The following CSMD3 variants were observed in gnomAD, a reference collection of about 807,000 sequenced individuals.
CSMD3 encodes the protein CUB and sushi domain-containing protein 3.
In CSMD3, 177 loss-of-function variants were observed where a neutral mutation model predicts 435.2. That is an observed-to-expected ratio of 0.41 (90% CI 0.36 to 0.46). The LOEUF is 0.46. Among genes scored for constraint, CSMD3 ranks in the 20% least tolerant of loss-of-function variants. The probability of loss-of-function intolerance (pLI) is 0.34; values close to 1 mark genes in which losing one functional copy is unlikely to be tolerated. For missense variants in CSMD3, 4,265 were observed against 4,504.6 expected (o/e 0.95, Z 1.52); for synonymous variants, 1,656 against 1,520.5 (o/e 1.09, Z -2.07).
chr8:112,850,285 C>T (rs2080446712), intron 11 of CSMD3, among the ~76,000 whole-genome samples: 1 of 152,036 alleles, frequency 6.6e-6, no homozygotes, highest in Admixed American at 6.6e-5. Context: ...ATAATTGGCT[C>T]TTTGAAAAAC....
At chr8:112,744,774 C>A (rs1482637314) in intron 13 of CSMD3, among the ~76,000 whole-genome samples, 1 of 152,054 alleles carries the variant, frequency 6.6e-6, no homozygotes, top group African/African-American at 2.4e-5. Context: ...AATGAGACAG[C>A]TTTCCAAGTG....
At chr8:113,002,282 C>T (rs1420548763) in intron 6 of CSMD3, among the ~76,000 whole-genome samples, 1 of 152,000 alleles carries the variant, frequency 6.6e-6, no homozygotes, top group African/African-American at 2.4e-5. Flanking sequence ...AAAGTATGCA[C>T]TCATAATAAG....
intron 13 of CSMD3, among the ~76,000 whole-genome samples, chr8:112,696,629 A>C (rs1026124747): frequency 1.1e-4 from 16 of 152,244 alleles, no homozygotes; most frequent in African/African-American, 3.9e-4. Flanking sequence ...ACCCAAGAAG[A>C]AAACCTAGGC....
At chr8:113,328,864 C>T (rs1287962743) in intron 1 of CSMD3, among the ~76,000 whole-genome samples, 1 of 149,526 alleles carries the variant, frequency 6.7e-6, no homozygotes, top group Non-Finnish European at 1.5e-5. Flanking sequence ...TTTCAGCCTC[C>T]CAAGTACCAG....
intron 38 of CSMD3, among the ~76,000 whole-genome samples, chr8:112,374,327 T>C (rs560079786): frequency 3.9e-5 from 6 of 152,292 alleles, no homozygotes; most frequent in African/African-American, 1.4e-4. Flanking sequence ...ATTACCTCTC[T>C]TTTTCCATAT....
chr8:112,354,813 A>T (rs1193602847), intron 38 of CSMD3, among the ~76,000 whole-genome samples: 1 of 152,186 alleles, frequency 6.6e-6, no homozygotes, highest in East Asian at 1.9e-4. Flanking sequence ...CCATCAAACT[A>T]CCAACGTCAT....
intron 53 of CSMD3, among the ~76,000 whole-genome samples, chr8:112,300,274 A>G (rs1210573464): frequency 1.7e-5 from 2 of 120,010 alleles, no homozygotes; most frequent in Non-Finnish European, 3.1e-5. Context: ...ATGTATAAAT[A>G]TATATTTCTA....
intron 10 of CSMD3, among the ~76,000 whole-genome samples, chr8:112,887,063 T>C (rs1006642885): frequency 1.3e-5 from 2 of 151,604 alleles, no homozygotes; most frequent in African/African-American, 4.8e-5. Context: ...AATCTCTCTG[T>C]ACCTCAGTCT....
intron 4 of CSMD3, among the ~76,000 whole-genome samples, chr8:113,130,831 C>A (rs997476970): frequency 1.3e-5 from 2 of 152,044 alleles, no homozygotes; most frequent in African/African-American, 4.8e-5. Flanking sequence ...ATATGGACAA[C>A]GAAGTCCAGG....
At chr8:112,492,744 C>T (rs2130855552) in intron 30 of CSMD3, 61 bp from the exon 31 acceptor site, 1 of 1,315,796 alleles carries the variant, frequency 7.6e-7, no homozygotes, top group Non-Finnish European at 1.1e-6. Context: ...CTCCGTAATA[C>T]ATGGGTTCTG....
intron 6 of CSMD3, among the ~76,000 whole-genome samples, chr8:112,990,357 A>T (rs2085409430): frequency 6.6e-6 from 1 of 151,906 alleles, no homozygotes. Context: ...CAACAAAGAG[A>T]ATTGTGAGAA....
At chr8:112,362,867 G>A (rs1827387129) in intron 38 of CSMD3, among the ~76,000 whole-genome samples, 1 of 151,922 alleles carries the variant, frequency 6.6e-6, no homozygotes, top group Non-Finnish European at 1.5e-5. Flanking sequence ...CATATTAAAC[G>A]AATGGAGTTC....
intron 3 of CSMD3, among the ~76,000 whole-genome samples, chr8:113,239,454 A>C (rs72670704): frequency 0.028 from 4,197 of 152,208 alleles, 76 homozygotes; most frequent in Non-Finnish European, 0.043. Flanking sequence ...TCAGTAATCC[A>C]GGGTGAGAAT....
chr8:112,719,147 CT>C (rs1457392181), intron 13 of CSMD3, among the ~76,000 whole-genome samples: 1 of 151,966 alleles, frequency 6.6e-6, no homozygotes, highest in East Asian at 1.9e-4. Flanking sequence ...TATATAAATA[CT>C]GTATTTTGCT....
intron 3 of CSMD3, among the ~76,000 whole-genome samples, chr8:113,217,984 G>A (rs947176416): frequency 7.1e-4 from 107 of 151,008 alleles, no homozygotes; most frequent in African/African-American, 2.5e-3. Flanking sequence ...ATTCATAAAC[G>A]TATAATAATG....
chr8:113,289,845 T>G (rs2093673569), intron 2 of CSMD3, among the ~76,000 whole-genome samples: 1 of 151,732 alleles, frequency 6.6e-6, no homozygotes, highest in African/African-American at 2.4e-5. Context: ...TTTTGTTTGG[T>G]CCACTTATCC....
chr8:112,536,932 C>T (rs1826156628), intron 27 of CSMD3, among the ~76,000 whole-genome samples: 1 of 151,894 alleles, frequency 6.6e-6, no homozygotes. Flanking sequence ...AAAAACCAAA[C>T]ACCGCATATT....
At chr8:112,319,852 T>C in intron 46 of CSMD3, 49 bp downstream of exon 46, 9 of 1,323,476 alleles carry the variant, frequency 6.8e-6, no homozygotes, top group Non-Finnish European at 9.8e-6. Context: ...TTTAAGCAAA[T>C]AGTTCTGCCA....
At chr8:112,409,418 C>T (rs2032384778) in intron 32 of CSMD3, among the ~76,000 whole-genome samples, 1 of 151,610 alleles carries the variant, frequency 6.6e-6, no homozygotes, top group African/African-American at 2.4e-5. Context: ...AATTTTTTAC[C>T]TCCTCCTTTA....
Sources: allele counts gnomAD v4.1 joint callset (sites outside exome capture counted in the v4.1 genomes callset), GRCh38; gene constraint gnomAD v4.1.1; transcripts MANE v1.5; gene names NCBI Gene and HGNC (gene_info 2026-07-23, HGNC 2026-07-21).